CNOT1: variants seen among roughly 807,000 people sequenced by gnomAD.
CNOT1 encodes the protein CCR4-associated factor 1.
CNOT1 carries 15 observed loss-of-function variants against 273.8 expected under a neutral mutation model. That is an observed-to-expected ratio of 0.05 (90% CI 0.04 to 0.08). The LOEUF is 0.08. Among genes scored for constraint, CNOT1 ranks in the 10% least tolerant of loss-of-function variants. CNOT1 has a pLI of 1.00. For missense variants in CNOT1, 1,644 were observed against 2,912.2 expected (o/e 0.56, Z 10.02); for synonymous variants, 1,022 against 1,005.5 (o/e 1.02, Z -0.31).
At chr16:58,577,845 C>CAAAAA (rs34127478) in intron 13 of CNOT1, among the ~76,000 whole-genome samples, 1 of 106,412 alleles carries the variant, frequency 9.4e-6, no homozygotes, top group Non-Finnish European at 1.9e-5. Flanking sequence ...TCCTCTCTCT[C>CAAAAA]AAAAAAAAAA....
intron 30 of CNOT1, 86 bp from the exon 31 acceptor site, chr16:58,543,989 A>G (rs2040174996): frequency 6.8e-7 from 1 of 1,473,208 alleles, no homozygotes. Context: ...TGATTTTGTA[A>G]ATCAAGATTA....
chr16:58,616,353 G>GCCCA (rs1227928116), intron 1 of CNOT1, among the ~76,000 whole-genome samples: 15,732 of 94,694 alleles, frequency 0.17, 2,183 homozygotes, highest in Non-Finnish European at 0.25. Flanking sequence ...TGATCCACCT[G>GCCCA]CCTCGGCCTC....
chr16:58,546,444 T>C lies in CNOT1; in HGVS notation c.3883A>G (p.Asn1295Asp). The part of the protein sequence containing the change: ...VLCKNLALDI[N>D]ELKPGNLLKD... Reference sequence around the variant, plus strand: ...AGGAGGTTTCCAGGTTTTAGCTCATTGATGTCTAATGCAAGGTTCTTGCAG... The same window carrying C: ...AGGAGGTTTCCAGGTTTTAGCTCATCGATGTCTAATGCAAGGTTCTTGCAG... The change falls in exon 29 of 49, where the codon AAT becomes GAT. Residue 1295 changes from asparagine (N) to aspartate (D), a missense_variant. Physicochemically the swap from Asn to Asp is conservative, Grantham distance 23. This residue lies in a region of CNOT1 where 124 missense variants were observed against 289.3 expected (regional missense o/e 0.43). Coordinates refer to ENST00000317147, the MANE Select transcript of CNOT1 (RefSeq NM_016284.5). 6.2e-7 allele frequency: 1 copy of C among 1,614,012 alleles called. No homozygotes were observed. The highest frequency in any genetic ancestry group is 8.5e-7 in the Non-Finnish European group (1 of 1,179,942).
intron 8 of CNOT1, 106 bp from the exon 9 acceptor site, chr16:58,583,288 T>C (rs1273895115): frequency 7.2e-6 from 11 of 1,523,406 alleles, no homozygotes; most frequent in Middle Eastern, 1.7e-4. Flanking sequence ...TTTTACTAAA[T>C]AAAACAGGCA....
At chr16:58,587,699 C>G in intron 4 of CNOT1, 81 bp downstream of exon 4, 1 of 1,442,610 alleles carries the variant, frequency 6.9e-7, no homozygotes, top group Non-Finnish European at 9.4e-7. Context: ...ATTAAGACAT[C>G]ACATTATGAG....
intron 16 of CNOT1, 64 bp from the exon 17 acceptor site, chr16:58,560,426 A>G (rs2040793119): frequency 6.6e-7 from 1 of 1,507,896 alleles, no homozygotes; most frequent in African/African-American, 1.8e-5. Flanking sequence ...TAAGTAAACC[A>G]ACCGATCTGA....
chr16:58,621,833 C>G (rs1017343339), intron 1 of CNOT1, among the ~76,000 whole-genome samples: 51 of 147,536 alleles, frequency 3.5e-4, no homozygotes, highest in Admixed American at 2.1e-3. Context: ...ATGGCATGAA[C>G]CCGGGAGGCG....
chr16:58,546,616 G>A, intron 28 of CNOT1, 56 bp downstream of exon 28: 5 of 1,612,994 alleles, frequency 3.1e-6, no homozygotes, highest in South Asian at 1.1e-5. Context: ...TTCACTGTAA[G>A]TTTTAATAAT....
At chr16:58,559,939 AAG>A in intron 17 of CNOT1, 1 of 886,108 alleles carries the variant, frequency 1.1e-6, no homozygotes, top group Non-Finnish European at 1.7e-6. Context: ...CTTATGTCTC[AAG>A]AGTCTACGTA....
At chr16:58,569,275 A>T (rs2041176466) in intron 16 of CNOT1, among the ~76,000 whole-genome samples, 1 of 152,082 alleles carries the variant, frequency 6.6e-6, no homozygotes, top group East Asian at 1.9e-4. Flanking sequence ...GTCGCCCTTC[A>T]CTATGCCTGG....
intron 2 of CNOT1, among the ~76,000 whole-genome samples, chr16:58,591,732 C>T (rs747049082): frequency 3.3e-5 from 5 of 149,904 alleles, no homozygotes; most frequent in Admixed American, 1.3e-4. Flanking sequence ...CCAGCCTGGG[C>T]GACAAGAGCA....
In CNOT1 at chr16:58,525,125, T is replaced by C. The variant is rs533550339; in HGVS notation, c.6784+54A>G. 1.8e-5 allele frequency: 27 copies of C among 1,536,044 alleles called. No individual in the cohort carries two copies. In the African/African-American group the frequency reaches 1.9e-4, roughly 11 times the overall value. ...GCATTTTTACATTTTTGTGATCAGATTGTAGCAAAAAGCACAGAGAACTCT... is the reference window on the plus strand; with the variant it reads ...GCATTTTTACATTTTTGTGATCAGACTGTAGCAAAAAGCACAGAGAACTCT... On this transcript the variant is annotated intron_variant, in intron 46 of 48. Transcript: ENST00000317147.
chr16:58,556,765 G>A (rs2040646081), intron 19 of CNOT1, 82 bp downstream of exon 19: 1 of 1,533,740 alleles, frequency 6.5e-7, no homozygotes, highest in Non-Finnish European at 8.8e-7. Context: ...ATCAACACAT[G>A]GCCCTACTAA....
At position 58,617,208 on chromosome 16, in the gene CNOT1, C is replaced by T. The variant is rs2043122651; in HGVS notation, c.-175+12520G>A. Among the ~76,000 whole-genome samples, 3 of 151,892 alleles carry T rather than the reference C, an allele frequency of 2.0e-5. No homozygotes were observed. In the South Asian group the frequency reaches 6.2e-4, roughly 32 times the overall value. Reference sequence around the variant, plus strand: ...CCATCTCAACAAATAAATACATAAACAAGCAAGCAGGGCATGGTGGCATGC... The same window carrying T: ...CCATCTCAACAAATAAATACATAAATAAGCAAGCAGGGCATGGTGGCATGC... On this transcript the variant is annotated intron_variant, in intron 1 of 48. Coordinates refer to ENST00000317147, the MANE Select transcript of CNOT1 (RefSeq NM_016284.5).
intron 1 of CNOT1, among the ~76,000 whole-genome samples, chr16:58,602,626 G>A (rs1455420992): frequency 6.8e-6 from 1 of 147,752 alleles, no homozygotes; most frequent in Non-Finnish European, 1.5e-5. Flanking sequence ...AGCTACCCAG[G>A]AGGTTGAGGC....
At chr16:58,531,546 CAG>C (rs1184408065) in intron 42 of CNOT1, among the ~76,000 whole-genome samples, 1 of 152,122 alleles carries the variant, frequency 6.6e-6, no homozygotes, top group African/African-American at 2.4e-5. Flanking sequence ...CCCTGTTACC[CAG>C]AGATTTATTC....
chr16:58,579,648 T>C (rs1224518446), intron 12 of CNOT1, among the ~76,000 whole-genome samples: 1 of 152,048 alleles, frequency 6.6e-6, no homozygotes, highest in Non-Finnish European at 1.5e-5. Context: ...CAGAAATGTG[T>C]TCTGGGAGGG....
At chr16:58,530,744 A>G (rs1216798970) in intron 42 of CNOT1, 1 of 153,562 alleles carries the variant, frequency 6.5e-6, no homozygotes, top group Non-Finnish European at 1.4e-5. Context: ...AGGTCGTGGC[A>G]CTGCACTCCA....
chr16:58,598,688 C>T (rs1172382950), intron 2 of CNOT1, among the ~76,000 whole-genome samples: 1 of 151,560 alleles, frequency 6.6e-6, no homozygotes, highest in Non-Finnish European at 1.5e-5. Context: ...TTTCTCAGGG[C>T]CCTGAGCACC....
Sources: gnomAD v4.1 joint callset for allele counts (sites outside exome capture counted in the v4.1 genomes callset) on GRCh38, gnomAD v4.1.1 for gene constraint, gnomAD v4.1.1 regional missense constraint, MANE v1.5 for transcripts, NCBI Gene and HGNC (gene_info 2026-07-23, HGNC 2026-07-21) for gene names.